Variants in CCNYL1 observed in about 807,000 individuals in gnomAD.
CCNYL1 encodes the protein cyclin-Y-like protein 1.
CCNYL1 carries 16 observed loss-of-function variants against 44.2 expected under a neutral mutation model. The ratio of observed to expected loss-of-function variants is 0.36; its 90% CI spans 0.25 to 0.55. CCNYL1 has a LOEUF of 0.55. Among genes scored for constraint, CCNYL1 ranks in the 20% least tolerant of loss-of-function variants. The pLI is 0.85. For missense variants in CCNYL1, 348 were observed against 451.8 expected (o/e 0.77, Z 2.08); for synonymous variants, 159 against 163.2 (o/e 0.97, Z 0.20).
At chr2:207,728,276 T>TC (rs1553534870) in intron 3 of CCNYL1, among the ~76,000 whole-genome samples, 10 of 144,446 alleles carry the variant, frequency 6.9e-5, no homozygotes, top group Non-Finnish European at 1.2e-4. Context: ...TTTTTTTTTT[T>TC]CTTTTTTTCT....
chr2:207,732,932 C>T (rs1484513713), intron 3 of CCNYL1, among the ~76,000 whole-genome samples: 2 of 152,024 alleles, frequency 1.3e-5, no homozygotes, highest in Non-Finnish European at 2.9e-5. Flanking sequence ...TTAATTTGTC[C>T]CCAATTCTGT....
intron 9 of CCNYL1, among the ~76,000 whole-genome samples, chr2:207,752,566 A>G (rs1267378448): frequency 2.0e-5 from 3 of 152,210 alleles, no homozygotes; most frequent in East Asian, 1.9e-4. Flanking sequence ...TAGGAAGTAC[A>G]TGGGTTTTTA....
chr2:207,724,809 T>C lies in CCNYL1; in HGVS notation c.230T>C (p.Leu77Ser), dbSNP rs2091667989. 1.3e-5 allele frequency: 21 copies of C among 1,613,072 alleles called. No individual in the cohort carries two copies. Among genetic ancestry groups the C allele is most frequent in the Non-Finnish European group, 1.8e-5 (21 of 1,179,424 alleles). Residue 77 changes from leucine to serine, a missense_variant, in exon 2 of 10, where the codon TTG (leucine) becomes TCG (serine). Leu to Ser is a moderately radical substitution (Grantham distance 145). This residue lies in a region of CCNYL1 where 209 missense variants were observed against 247.7 expected (regional missense o/e 0.84). Coordinates refer to ENST00000295414, the MANE Select transcript of CCNYL1 (RefSeq NM_001330218.2). ...SDREMPEDLA[L>S]ESNPSDHPRA... ...TCCTCCTCTTCTATAGATTTAGCTT[T>C]GGAGTCAAACCCTTCTGACCATCCA... is the stretch of plus-strand genomic sequence containing the variant.
At chr2:207,713,946 G>T (rs1228571617) in intron 1 of CCNYL1, among the ~76,000 whole-genome samples, 1 of 152,196 alleles carries the variant, frequency 6.6e-6, no homozygotes, top group Non-Finnish European at 1.5e-5. Context: ...GGTGGGTGGT[G>T]TTGGGTGAGA....
rs114354186 is a variant in CCNYL1, at chr2:207,723,978, T to G, written c.221-822T>G. 1.1e-3 allele frequency among the ~76,000 whole-genome samples: 166 copies of G among 152,282 alleles called. 2 individuals carry two copies. Among genetic ancestry groups the G allele is most frequent in the African/African-American group, 3.7e-3 (153 of 41,560 alleles). ...ATCCCATATTATGGCAAAGTTTGTT[T>G]CATGAAAATTCAAGAGTCTGTTTTG... On this transcript the variant is annotated intron_variant, in intron 1 of 9. Transcript: ENST00000295414.
At chr2:207,723,903 C>A (rs2091660536) in intron 1 of CCNYL1, among the ~76,000 whole-genome samples, 1 of 146,408 alleles carries the variant, frequency 6.8e-6, no homozygotes, top group African/African-American at 2.5e-5. Flanking sequence ...AAAGACCTTG[C>A]TGAAGAATAT....
rs74520865 is a variant in CCNYL1, at chr2:207,748,783, T to G, written c.806+1570T>G. ...TAATTGTGGTAGCTGTTGAAGTGGC[T>G]TCTGGTGAAGTTGACCACTTTACTG... is the stretch of plus-strand genomic sequence containing the variant. On this transcript the variant is annotated intron_variant, in intron 8 of 9. Coordinates refer to ENST00000295414, the MANE Select transcript of CCNYL1 (RefSeq NM_001330218.2). Among the ~76,000 whole-genome samples the G allele has an allele frequency of 5.5e-3, 833 of 152,346 alleles. 6 individuals carry two copies. The highest frequency in any genetic ancestry group is 0.019 in the African/African-American group (795 of 41,586).
At chr2:207,742,903 C>G (rs1431123913) in intron 7 of CCNYL1, among the ~76,000 whole-genome samples, 1 of 152,330 alleles carries the variant, frequency 6.6e-6, no homozygotes, top group African/African-American at 2.4e-5. Context: ...TGCTGATTAG[C>G]TTACTAAGCT....
chr2:207,736,955 G>T (rs932920385), intron 4 of CCNYL1, among the ~76,000 whole-genome samples: 3 of 148,846 alleles, frequency 2.0e-5, no homozygotes, highest in African/African-American at 5.0e-5. Context: ...TCGCTCTGTC[G>T]CCCAGGCTGG....
chr2:207,738,558 A>G (rs1041039998), intron 5 of CCNYL1, among the ~76,000 whole-genome samples: 24 of 152,090 alleles, frequency 1.6e-4, no homozygotes, highest in African/African-American at 5.5e-4. Context: ...CACAAGTGCT[A>G]GTTTCTTAAA....
At chr2:207,736,508 T>G (rs1323670219) in intron 4 of CCNYL1, among the ~76,000 whole-genome samples, 2 of 152,260 alleles carry the variant, frequency 1.3e-5, no homozygotes, top group African/African-American at 4.8e-5. Context: ...TATTACACTT[T>G]GTAGTTTTAT....
chr2:207,735,847 G>C (rs1472331581), intron 4 of CCNYL1, among the ~76,000 whole-genome samples: 1 of 151,876 alleles, frequency 6.6e-6, no homozygotes, highest in East Asian at 1.9e-4. Flanking sequence ...CTGGGCGACA[G>C]AGCAAGACTC....
chr2:207,751,009 C>T lies in CCNYL1; in HGVS notation c.859C>T (p.Pro287Ser). 1 of 1,613,950 alleles carries T rather than the reference C, an allele frequency of 6.2e-7. No individual in the cohort carries two copies. Among genetic ancestry groups the T allele is most frequent in the South Asian group, 1.1e-5 (1 of 91,078 alleles). Residue 287 changes from proline to serine, a missense_variant, in exon 9 of 10, where the codon CCT becomes TCT. Pro to Ser is a moderately conservative substitution (Grantham distance 74, BLOSUM62 -1). This residue lies in a region of CCNYL1 where 94 missense variants were observed against 102.4 expected (regional missense o/e 0.92). Coordinates refer to ENST00000295414, the MANE Select transcript of CCNYL1 (RefSeq NM_001330218.2). ...GCTTCTTCAGTTTAATATTAATGTT[C>T]CTGCCAGTGTTTATGCCAAATACTA... The part of the protein sequence containing the change: ...LELLQFNINV[P>S]ASVYAKYYFD...
chr2:207,739,996 ATAAG>A (rs1359567714), intron 5 of CCNYL1, among the ~76,000 whole-genome samples: 1 of 152,184 alleles, frequency 6.6e-6, no homozygotes, highest in Non-Finnish European at 1.5e-5. Flanking sequence ...CTCAGGTTGA[ATAAG>A]TATTCTTAAA....
At chr2:207,724,760 C>A in intron 1 of CCNYL1, 40 bp from the exon 2 acceptor site, 1 of 1,396,670 alleles carries the variant, frequency 7.2e-7, no homozygotes, top group Non-Finnish European at 1.0e-6. Flanking sequence ...ATCTTTTCTA[C>A]TCACCTAAAG....
chr2:207,744,904 G>C (rs1472269249), intron 7 of CCNYL1, among the ~76,000 whole-genome samples: 1 of 152,204 alleles, frequency 6.6e-6, no homozygotes, highest in Non-Finnish European at 1.5e-5. Context: ...AGCAGGAATT[G>C]TGCACAGTCT....
In CCNYL1 at chr2:207,719,444, G is replaced by A. The variant is rs1251482916; in HGVS notation, c.221-5356G>A. On this transcript the variant is annotated intron_variant, in intron 1 of 9. Coordinates refer to ENST00000295414, the MANE Select transcript of CCNYL1 (RefSeq NM_001330218.2). Reference sequence around the variant, plus strand: ...GCCTCCTGAGTAGCTGGGACTACAGGCATGTGCCACCACGCCCAGCTAATT... The same window carrying A: ...GCCTCCTGAGTAGCTGGGACTACAGACATGTGCCACCACGCCCAGCTAATT... 2.6e-5 allele frequency among the ~76,000 whole-genome samples: 4 copies of A among 152,094 alleles called. No individual in the cohort carries two copies. The South Asian group carries it at 8.3e-4, about 32-fold the overall frequency.
intron 1 of CCNYL1, among the ~76,000 whole-genome samples, chr2:207,712,996 A>G (rs2091563584): frequency 6.6e-6 from 1 of 151,860 alleles, no homozygotes; most frequent in South Asian, 2.1e-4. Flanking sequence ...TTGAATTTTT[A>G]GTAGAGACGG....
At chr2:207,725,360 C>T (rs958241871) in intron 2 of CCNYL1, among the ~76,000 whole-genome samples, 2 of 152,110 alleles carry the variant, frequency 1.3e-5, no homozygotes, top group Non-Finnish European at 2.9e-5. Flanking sequence ...CTCCTGACCT[C>T]GTGATCTGCC....
Sources: allele counts gnomAD v4.1 joint callset (sites outside exome capture counted in the v4.1 genomes callset), GRCh38; gene constraint gnomAD v4.1.1; regional missense constraint gnomAD v4.1.1; transcripts MANE v1.5; gene names NCBI Gene and HGNC (gene_info 2026-07-23, HGNC 2026-07-21).